The following TUSC3 variants were observed in gnomAD, a reference collection of about 807,000 sequenced individuals.
The protein encoded by TUSC3 is dolichyl-diphosphooligosaccharide--protein glycosyltransferase subunit TUSC3.
TUSC3 carries 45 observed loss-of-function variants against 44.8 expected under a neutral mutation model. The ratio of observed to expected loss-of-function variants is 1.00; its 90% CI spans 0.79 to 1.29. The LOEUF (loss-of-function observed/expected upper bound fraction) is 1.29, where lower values mean the gene tolerates loss of function less well. Ranked by LOEUF, TUSC3 falls within the 50% of genes most tolerant of loss-of-function variation. The probability of loss-of-function intolerance (pLI) is 0.00; values close to 1 mark genes in which losing one functional copy is unlikely to be tolerated. For missense variants in TUSC3, 519 were observed against 437.9 expected (o/e 1.19, Z -1.65); for synonymous variants, 212 against 152.9 (o/e 1.39, Z -2.85).
the TUSC3 span, among the ~76,000 whole-genome samples, chr8:15,810,772 G>T: frequency 6.6e-6 from 1 of 152,184 alleles, no homozygotes; most frequent in Admixed American, 6.5e-5. Context: ...TTGTAGGGGA[G>T]ATTTGCATCT....
chr8:15,435,793 AATTTCCATAT>A (rs1187720272), intron 1 of TUSC3, among the ~76,000 whole-genome samples: 25 of 152,346 alleles, frequency 1.6e-4, no homozygotes, highest in African/African-American at 6.0e-4. Flanking sequence ...ATAGCGTTGC[AATTTCCATAT>A]AGAGTTTAAT....
intron 1 of TUSC3, among the ~76,000 whole-genome samples, chr8:15,482,858 T>G (rs1800681682): frequency 6.6e-6 from 1 of 152,236 alleles, no homozygotes; most frequent in African/African-American, 2.4e-5. Context: ...ATACATGACT[T>G]TCTTCACCTT....
intron 1 of TUSC3, among the ~76,000 whole-genome samples, chr8:15,622,804 A>G (rs1407335060): frequency 7.0e-6 from 1 of 142,060 alleles, no homozygotes; most frequent in African/African-American, 2.5e-5. Context: ...ACTTTTCTTG[A>G]GCCTTCTTTT....
chr8:15,457,538 T>C (rs886182979), intron 1 of TUSC3, among the ~76,000 whole-genome samples: 5 of 151,004 alleles, frequency 3.3e-5, no homozygotes, highest in African/African-American at 1.2e-4. Context: ...TATGAACCAG[T>C]AATTACGCAA....
intron 3 of TUSC3, among the ~76,000 whole-genome samples, chr8:15,655,810 A>G (rs1278830303): frequency 1.3e-5 from 2 of 152,178 alleles, no homozygotes; most frequent in Non-Finnish European, 2.9e-5. Context: ...TCTTATTACT[A>G]TTACATAACA....
intron 1 of TUSC3, among the ~76,000 whole-genome samples, chr8:15,467,173 G>A (rs771397852): frequency 6.6e-5 from 10 of 151,710 alleles, no homozygotes; most frequent in Non-Finnish European, 8.8e-5. Flanking sequence ...ACACTGTTAG[G>A]GTGTTTTAAG....
rs574688618 is a variant in TUSC3 at position 15,631,575 on chromosome 8, G to A, written c.308+8326G>A. On this transcript the variant is annotated intron_variant, in intron 2 of 10. Coordinates refer to ENST00000503731, the MANE Select transcript of TUSC3 (RefSeq NM_006765.4). The stretch of plus-strand genomic sequence containing the variant: ...TTTTAAGTATAGGTAAAAGAAATCA[G>A]TCAAATATTAGCAAAAAACTACCTA... Among the ~76,000 whole-genome samples, 5 of 152,026 alleles carry A rather than the reference G, an allele frequency of 3.3e-5. No individual in the cohort carries two copies. The South Asian group carries it at 8.3e-4, about 25-fold the overall frequency.
In TUSC3 at chr8:15,523,639, C is replaced by CATATATATATATATAT. The variant is rs151223991; in HGVS notation, n.189+40167_189+40182dup. 9.4e-4 allele frequency among the ~76,000 whole-genome samples: 60 copies of CATATATATATATATAT among 63,650 alleles called. 1 individual carries two copies. The highest frequency in any genetic ancestry group is 8.9e-3 in the Middle Eastern group (1 of 112). The allele number at this position is 63,650 out of a possible 152,430, so 41.8% of individuals were successfully genotyped here. ...AATTGGCTTAAAAATCCTTTAAAAACATATATATATATATATATATATATA... is the reference window on the plus strand; with the variant it reads ...AATTGGCTTAAAAATCCTTTAAAAACATATATATATATATATATATATATATATATATATATATATA... On this transcript the variant is annotated intron_variant and non_coding_transcript_variant, in intron 2 of 5. Transcript: ENST00000503191.
intron 2 of TUSC3, among the ~76,000 whole-genome samples, chr8:15,494,432 C>G (rs907745079): frequency 5.3e-5 from 8 of 151,818 alleles, no homozygotes; most frequent in Non-Finnish European, 1.2e-4. Context: ...ATTCTGCTGC[C>G]TCAGCCTCCG....
At chr8:15,603,625 G>T (rs1170584385) in intron 1 of TUSC3, among the ~76,000 whole-genome samples, 1 of 151,464 alleles carries the variant, frequency 6.6e-6, no homozygotes, top group Non-Finnish European at 1.5e-5. Flanking sequence ...TTTTTATGAA[G>T]AAATTTTATA....
intron 2 of TUSC3, among the ~76,000 whole-genome samples, chr8:15,527,370 C>G (rs1191249424): frequency 1.3e-5 from 2 of 152,048 alleles, no homozygotes; most frequent in Non-Finnish European, 2.9e-5. Context: ...GTGCCCGGCA[C>G]CACACCCAGC....
rs977746057 is a variant in TUSC3, at chr8:15,457,154, C to T, written n.92-26232C>T. ...GACACAGGAAGGGGAAGATCACACACTGGGGCCTGTTGTGAGGTGGGGGGA... is the reference window on the plus strand; with the variant it reads ...GACACAGGAAGGGGAAGATCACACATTGGGGCCTGTTGTGAGGTGGGGGGA... On this transcript the variant is annotated intron_variant and non_coding_transcript_variant, in intron 1 of 5. Coordinates refer to the TUSC3 transcript ENST00000503191. Among the ~76,000 whole-genome samples the T allele has an allele frequency of 1.4e-4, 14 of 98,480 alleles. No individual in the cohort carries two copies. The Admixed American group carries it at 2.0e-3, about 14-fold the overall frequency. The allele number at this position is 98,480 out of a possible 152,430, so 64.6% of individuals were successfully genotyped here. A position where few individuals can be genotyped will look rare whatever the true frequency, so the allele number is the denominator to read the frequency against.
At chr8:15,744,256 A>T (rs2129214952) in intron 8 of TUSC3, among the ~76,000 whole-genome samples, 1 of 152,294 alleles carries the variant, frequency 6.6e-6, no homozygotes, top group South Asian at 2.1e-4. Flanking sequence ...TCAGAGTTGT[A>T]GAAAAACATA....
intron 2 of TUSC3, among the ~76,000 whole-genome samples, chr8:15,636,237 G>A (rs759198301): frequency 2.0e-4 from 31 of 152,112 alleles, no homozygotes; most frequent in South Asian, 4.1e-4. Context: ...AGTTACTCAG[G>A]CCTGGGCATT....
chr8:15,622,981 A>T (rs1805319872), intron 1 of TUSC3, 99 bp from the exon 2 acceptor site: 1 of 1,229,810 alleles, frequency 8.1e-7, no homozygotes, highest in African/African-American at 1.5e-5. Context: ...CTTGGATATC[A>T]TTAGGAAAAA....
chr8:15,444,941 A>G (rs1800073178), intron 1 of TUSC3, among the ~76,000 whole-genome samples: 1 of 152,128 alleles, frequency 6.6e-6, no homozygotes, highest in Non-Finnish European at 1.5e-5. Flanking sequence ...GGTGCTGTGC[A>G]CTCTACGAAC....
intron 1 of TUSC3, among the ~76,000 whole-genome samples, chr8:15,541,773 A>G (rs13272898): frequency 0.35 from 52,654 of 149,842 alleles, 11,248 homozygotes; most frequent in Non-Finnish European, 0.45. Context: ...TGGTATTTGT[A>G]TACCATATTC....
chr8:15,762,454 T>C (rs1812201274), intron 10 of TUSC3, among the ~76,000 whole-genome samples: 1 of 152,116 alleles, frequency 6.6e-6, no homozygotes, highest in South Asian at 2.1e-4. Context: ...AGAGATCCTT[T>C]TACTGTGAAT....
At chr8:15,732,204 G>A (rs1449725265) in intron 7 of TUSC3, among the ~76,000 whole-genome samples, 1 of 152,062 alleles carries the variant, frequency 6.6e-6, no homozygotes, top group African/African-American at 2.4e-5. Context: ...ATATGGTTTG[G>A]CTCTGTGTCC....
Sources: gnomAD v4.1 joint callset for allele counts (sites outside exome capture counted in the v4.1 genomes callset) on GRCh38, gnomAD v4.1.1 for gene constraint, MANE v1.5 for transcripts, NCBI Gene and HGNC (gene_info 2026-07-23, HGNC 2026-07-21) for gene names.